JPH3: variants seen among roughly 807,000 people sequenced by gnomAD.
JPH3 encodes the protein junctophilin 3.
JPH3 carries 11 observed loss-of-function variants against 59.6 expected under a neutral mutation model. That is an observed-to-expected ratio of 0.18 (90% CI 0.12 to 0.31). The LOEUF is 0.31. JPH3 is among the 10% of genes least tolerant of loss of function. The probability of loss-of-function intolerance (pLI) is 1.00; values close to 1 mark genes in which losing one functional copy is unlikely to be tolerated. For missense variants in JPH3, 1,202 were observed against 1,105.7 expected (o/e 1.09, Z -1.24); for synonymous variants, 673 against 483.6 (o/e 1.39, Z -5.14).
intron 2 of JPH3, 160 bp from the exon 3 acceptor site, chr16:87,683,982 T>A (rs2033356072): frequency 4.9e-6 from 3 of 614,108 alleles, no homozygotes; most frequent in Admixed American, 2.9e-5. Context: ...AATGAATGAA[T>A]GAATGAACGA....
At position 87,613,687 on chromosome 16, in the gene JPH3, G is replaced by A. The variant is rs538377575; in HGVS notation, c.382+10159G>A. Among the ~76,000 whole-genome samples, 7 of 152,304 alleles carry A rather than the reference G, an allele frequency of 4.6e-5. No individual in the cohort carries two copies. The South Asian group carries it at 1.0e-3, about 23-fold the overall frequency. On this transcript the variant is annotated intron_variant, in intron 1 of 4. Coordinates refer to ENST00000284262, the MANE Select transcript of JPH3 (RefSeq NM_020655.4). ...TGAATTTGTGGACTTGGAACCTGAA[G>A]CTATAGAGGGCTGACTGTGTATGAT... is the stretch of plus-strand genomic sequence containing the variant.
At position 87,610,392 on chromosome 16, in the gene JPH3, C is replaced by A. The variant is rs138228079; in HGVS notation, c.382+6864C>A. Among the ~76,000 whole-genome samples the A allele has an allele frequency of 9.2e-5, 14 of 152,316 alleles. No homozygotes were observed. In the East Asian group the frequency reaches 2.7e-3, roughly 29 times the overall value. The stretch of plus-strand genomic sequence containing the variant: ...AGAAAGCTTTATTGGGCAGGCAGCA[C>A]TGGTCTGGAGTGTAAGTTCCATATG... On this transcript the variant is annotated intron_variant, in intron 1 of 4. Coordinates refer to ENST00000284262, the MANE Select transcript of JPH3 (RefSeq NM_020655.4).
intron 3 of JPH3, 80 bp from the exon 4 acceptor site, chr16:87,689,566 C>A (rs890907868): frequency 1.4e-6 from 2 of 1,466,788 alleles, no homozygotes; most frequent in Non-Finnish European, 1.9e-6. Flanking sequence ...TTCCCTCTGG[C>A]GCCCTGGCCC....
chr16:87,617,651 G>A (rs2031021675), intron 1 of JPH3, among the ~76,000 whole-genome samples: 1 of 152,044 alleles, frequency 6.6e-6, no homozygotes, highest in African/African-American at 2.4e-5. Flanking sequence ...TAGGGGGGCT[G>A]CATGGTAGGG....
Position 87,690,543 on chromosome 16 carries a change from C to A in JPH3, c.2166+17C>A. The A allele has an allele frequency of 2.7e-6, 4 of 1,454,974 alleles. No individual in the cohort carries two copies. The highest frequency in any genetic ancestry group is 3.6e-6 in the Non-Finnish European group (4 of 1,103,950). 90.1% of individuals were successfully genotyped at this position (1,454,974 alleles called of 1,614,324 possible). A position where few individuals can be genotyped will look rare whatever the true frequency, so the allele number is the denominator to read the frequency against. ...TCCAGTACGGTGAGTGGGCGGCCAC[C>A]AGGCTGGTCCCAGTGGAGGCAACAT... On this transcript the variant is annotated intron_variant, in intron 4 of 4. Coordinates refer to ENST00000284262, the MANE Select transcript of JPH3 (RefSeq NM_020655.4).
Position 87,690,443 on chromosome 16 carries a change from T to G in JPH3, c.2083T>G (p.Leu695Val). The G allele has an allele frequency of 6.7e-7, 1 of 1,490,050 alleles. No homozygotes were observed. The highest frequency in any genetic ancestry group is 8.9e-7 in the Non-Finnish European group (1 of 1,122,214). 92.3% of individuals were successfully genotyped at this position (1,490,050 alleles called of 1,614,324 possible). A position where few individuals can be genotyped will look rare whatever the true frequency, so the allele number is the denominator to read the frequency against. ...GAEPRLLRWD[L>V]TFSPPQKSLP... ...CGAGCCCCGGTTGCTGCGTTGGGAC[T>G]TGACCTTCTCCCCGCCCCAGAAATC... The change falls in exon 4 of 5, where the codon TTG (leucine) becomes GTG (valine). Residue 695 changes from leucine (L) to valine (V), a missense_variant. Leu to Val is a conservative substitution (Grantham distance 32). Coordinates refer to ENST00000284262, the MANE Select transcript of JPH3 (RefSeq NM_020655.4).
At chr16:87,685,634 G>T (rs1438220050) in intron 3 of JPH3, among the ~76,000 whole-genome samples, 1 of 152,250 alleles carries the variant, frequency 6.6e-6, no homozygotes, top group Non-Finnish European at 1.5e-5. Context: ...TGCCGTCGGG[G>T]GCACCTGCCA....
At chr16:87,656,948 C>A (rs1020877051) in intron 2 of JPH3, among the ~76,000 whole-genome samples, 1 of 152,130 alleles carries the variant, frequency 6.6e-6, no homozygotes, top group Non-Finnish European at 1.5e-5. Context: ...GAGAGGATCT[C>A]CCTCTCCTCC....
intron 2 of JPH3, among the ~76,000 whole-genome samples, chr16:87,660,376 C>T (rs965677982): frequency 6.6e-6 from 1 of 152,086 alleles, no homozygotes; most frequent in Non-Finnish European, 1.5e-5. Context: ...GGATTGAGTC[C>T]CAGCCCTGCT....
chr16:87,666,093 C>T (rs959168051), intron 2 of JPH3, among the ~76,000 whole-genome samples: 1 of 145,018 alleles, frequency 6.9e-6, no homozygotes, highest in Non-Finnish European at 1.5e-5. Context: ...CTTTTTTTCT[C>T]TTTTTTTTTT....
intron 2 of JPH3, among the ~76,000 whole-genome samples, chr16:87,680,180 C>A (rs966186619): frequency 3.9e-5 from 6 of 152,256 alleles, no homozygotes; most frequent in African/African-American, 7.2e-5. Context: ...AGGGAGGAGG[C>A]TGGCTTCCTC....
chr16:87,620,447 A>AGAGAGAAGGAGAGAGAGG (rs1555534438), intron 1 of JPH3, among the ~76,000 whole-genome samples: 204 of 75,580 alleles, frequency 2.7e-3, no homozygotes, highest in African/African-American at 7.4e-3. Context: ...AGGGAGAGAG[A>AGAGAGAAGGAGAGAGAGG]GAGAGAAGGA....
Position 87,649,566 on chromosome 16 carries a change from G to A in JPH3, c.1160+4531G>A, listed in dbSNP as rs541420335. ...TGTGTCACCCATCCTAGAGAAGAAA[G>A]TCCTGCAGTGTGACATGGCTTCATT... On this transcript the variant is annotated intron_variant, in intron 2 of 4. Transcript: ENST00000284262. Among the ~76,000 whole-genome samples the A allele has an allele frequency of 1.1e-4, 16 of 152,326 alleles. No homozygotes were observed. The South Asian group carries it at 3.3e-3, about 32-fold the overall frequency.
At chr16:87,651,016 A>T (rs1350298534) in intron 2 of JPH3, among the ~76,000 whole-genome samples, 1 of 152,262 alleles carries the variant, frequency 6.6e-6, no homozygotes, top group Non-Finnish European at 1.5e-5. Context: ...TTTGAAGGAC[A>T]GGCTGACTCT....
chr16:87,602,575 G>A lies in JPH3; in HGVS notation c.-572G>A, dbSNP rs1381747533. ...CGCCGCCGCCGCCGCCCGAGCCGCCGCATTGCTGCTGCTGCTGCCGCCGCC... is the reference window on the plus strand; with the variant it reads ...CGCCGCCGCCGCCGCCCGAGCCGCCACATTGCTGCTGCTGCTGCCGCCGCC... On this transcript the variant is annotated 5_prime_UTR_variant, in exon 1 of 5. Coordinates refer to ENST00000284262, the MANE Select transcript of JPH3 (RefSeq NM_020655.4). Among the ~76,000 whole-genome samples, 1 of 138,170 alleles carries A rather than the reference G, an allele frequency of 7.2e-6. No homozygotes were observed. Among genetic ancestry groups the A allele is most frequent in the Admixed American group, 7.0e-5 (1 of 14,228 alleles). The allele number at this position is 138,170 out of a possible 152,430, so 90.6% of individuals were successfully genotyped here. A position where few individuals can be genotyped will look rare whatever the true frequency, so the allele number is the denominator to read the frequency against.
intron 3 of JPH3, among the ~76,000 whole-genome samples, chr16:87,688,940 C>T (rs1413893677): frequency 6.6e-6 from 1 of 152,190 alleles, no homozygotes; most frequent in Non-Finnish European, 1.5e-5. Context: ...CGGGGCTAGT[C>T]CTACAATGCT....
intron 3 of JPH3, among the ~76,000 whole-genome samples, chr16:87,689,196 C>G (rs541777672): frequency 6.6e-4 from 100 of 152,336 alleles, no homozygotes; most frequent in Non-Finnish European, 1.2e-3. Flanking sequence ...CACCCTGAGA[C>G]ACAGTCCCAG....
intron 2 of JPH3, among the ~76,000 whole-genome samples, chr16:87,652,241 C>T (rs1376328472): frequency 6.6e-6 from 1 of 152,202 alleles, no homozygotes; most frequent in Non-Finnish European, 1.5e-5. Context: ...TCCCAAAATG[C>T]TGGGATTACA....
chr16:87,647,674 A>G (rs867882258), intron 2 of JPH3, among the ~76,000 whole-genome samples: 1 of 152,064 alleles, frequency 6.6e-6, no homozygotes, highest in African/African-American at 2.4e-5. Flanking sequence ...CTCACCCGCC[A>G]TGTCCTGCTG....
Sources: gnomAD v4.1 joint callset for allele counts (sites outside exome capture counted in the v4.1 genomes callset) on GRCh38, gnomAD v4.1.1 for gene constraint, MANE v1.5 for transcripts, NCBI Gene and HGNC (gene_info 2026-07-23, HGNC 2026-07-21) for gene names.